ZP2: variants seen among roughly 807,000 people sequenced by gnomAD.
The protein encoded by ZP2 is zona pellucida sperm-binding protein 2.
ZP2 carries 51 observed loss-of-function variants against 84.0 expected under a neutral mutation model. The ratio of observed to expected loss-of-function variants is 0.61; its 90% CI spans 0.49 to 0.77. The LOEUF is 0.77. Ranked by LOEUF, ZP2 falls within the 30% of genes least tolerant of loss-of-function variation. ZP2 has a pLI of 0.00. For synonymous variants in ZP2, 375 were observed against 330.9 expected, an observed-to-expected ratio of 1.13 and a Z score of -1.45; for missense variants, 909 against 911.9, an observed-to-expected ratio of 1.00 and a Z score of 0.04.
chr16:21,202,592 G>A (rs936316457), intron 10 of ZP2, among the ~76,000 whole-genome samples: 1 of 152,188 alleles, frequency 6.6e-6, no homozygotes. Flanking sequence ...GTTGACTCAA[G>A]GTTAAACTTA....
At chr16:21,205,927 CATT>C in intron 5 of ZP2, 152 bp from the exon 6 acceptor site, 1 of 706,910 alleles carries the variant, frequency 1.4e-6, no homozygotes. Flanking sequence ...CCTTAGATGT[CATT>C]ATACTTCTTT....
intron 5 of ZP2, among the ~76,000 whole-genome samples, chr16:21,206,524 G>A (rs1472760046): frequency 6.6e-6 from 1 of 152,208 alleles, no homozygotes; most frequent in African/African-American, 2.4e-5. Flanking sequence ...CCTGGAACAT[G>A]GCATGTATTC....
Position 21,210,158 on chromosome 16 carries a change from C to T in ZP2, c.186G>A (p.Val62=). 1 of 1,614,048 alleles carries T rather than the reference C, an allele frequency of 6.2e-7. No homozygotes were observed. ...TVTCDEREIT[V]EFPSSPGTKK... is the part of the protein sequence containing the mutation. ...TGGTGCCAGGACTGCTTGGGAACTC[C>T]ACTGTTATTTCCCTTTCATCGCAAG... Residue 62 remains valine (V), a synonymous_variant, in exon 3 of 19, where the codon GTG becomes GTA. Coordinates refer to ENST00000574091, the MANE Select transcript of ZP2 (RefSeq NM_001376232.1).
Position 21,198,857 on chromosome 16 carries a change from C to T in ZP2, c.1933G>A (p.Gly645Arg). ...GTCATTTTCTCTGCTTCAGTGGCCC[C>T]TGTGGCTGGAGACAGATGATCAAGT... ...PVSSRHRRAT[G>R]ATEAEKMTVS... is the part of the protein sequence containing the mutation. The change falls in exon 17 of 19, where the codon GGG becomes AGG. Residue 645 changes from glycine (G) to arginine (R), a missense_variant. Physicochemically the swap from Gly to Arg is moderately radical, Grantham distance 125 (BLOSUM62 -2). Coordinates refer to ENST00000574091, the MANE Select transcript of ZP2 (RefSeq NM_001376232.1). 1.2e-6 allele frequency: 2 copies of T among 1,613,756 alleles called. No individual in the cohort carries two copies. The highest frequency in any genetic ancestry group is 8.5e-7 in the Non-Finnish European group (1 of 1,179,884).
intron 17 of ZP2, among the ~76,000 whole-genome samples, chr16:21,198,179 G>A (rs1467060045): frequency 6.7e-6 from 1 of 148,498 alleles, no homozygotes; most frequent in Non-Finnish European, 1.5e-5. Context: ...CGGATCACTT[G>A]AGGTCAGGAG....
rs539715339 is a variant in ZP2 at position 21,206,783 on chromosome 16, T to G, written c.483+55A>C. ...AAGCCCCGCCCTGGTTAGATCATCA[T>G]CATATTCCCCCTGCAGTAGCCATAT... On this transcript the variant is annotated intron_variant, in intron 5 of 18. Transcript: ENST00000574091. The G allele has an allele frequency of 5.0e-6, 8 of 1,608,028 alleles. No individual in the cohort carries two copies. The African/African-American group carries it at 8.0e-5, about 16-fold the overall frequency.
chr16:21,211,625 A>C (rs1351329702), upstream of ZP2: 1 of 1,609,904 alleles, frequency 6.2e-7, no homozygotes, highest in South Asian at 1.1e-5. Context: ...AGCCGCATCC[A>C]CACCCTCTCC....
At chr16:21,208,768 T>C (rs1224775703) in intron 4 of ZP2, among the ~76,000 whole-genome samples, 4 of 152,296 alleles carry the variant, frequency 2.6e-5, no homozygotes, top group African/African-American at 7.2e-5. Flanking sequence ...GGTTCACAGA[T>C]CAAAATAGCT....
In ZP2 at chr16:21,209,281, C is replaced by A. The variant is rs1382672393; in HGVS notation, c.330+350G>T. Reference sequence around the variant, plus strand: ...CCCCTGGGTTTAAGCGATTCTCCTGCCTCAGCCTCACAAGTAGCTGGGATT... The same window carrying A: ...CCCCTGGGTTTAAGCGATTCTCCTGACTCAGCCTCACAAGTAGCTGGGATT... On this transcript the variant is annotated intron_variant, in intron 4 of 18. Transcript: ENST00000574091. Among the ~76,000 whole-genome samples, 5 of 152,300 alleles carry A rather than the reference C, an allele frequency of 3.3e-5. No homozygotes were observed. The South Asian group carries it at 1.0e-3, about 32-fold the overall frequency.
chr16:21,203,832 G>A, intron 9 of ZP2, 198 bp downstream of exon 9: 1 of 627,396 alleles, frequency 1.6e-6, no homozygotes, highest in Non-Finnish European at 2.8e-6. Flanking sequence ...AGTTAAAGAG[G>A]TTTTGTGTTA....
At chr16:21,198,704 A>G in intron 17 of ZP2, 75 bp downstream of exon 17, 1 of 1,226,894 alleles carries the variant, frequency 8.2e-7, no homozygotes, top group Admixed American at 1.8e-5. Context: ...TACATAGTAT[A>G]TGTAAGCACT....
chr16:21,198,953 G>A, intron 16 of ZP2, 91 bp from the exon 17 acceptor site: 1 of 1,163,516 alleles, frequency 8.6e-7, no homozygotes, highest in Non-Finnish European at 1.3e-6. Flanking sequence ...AAGCTCTCTG[G>A]AGTATTTTGT....
chr16:21,214,117 A>C (rs2093283864), upstream of ZP2: 3 of 585,182 alleles, frequency 5.1e-6, no homozygotes, highest in Non-Finnish European at 4.3e-6. Context: ...TGGGGTTTCT[A>C]AAAGGTTAAG....
chr16:21,197,685 C>T, intron 18 of ZP2, 63 bp from the exon 19 acceptor site: 1 of 1,608,894 alleles, frequency 6.2e-7, no homozygotes, highest in East Asian at 2.2e-5. Flanking sequence ...GGAAGCCTTA[C>T]ATAAGGCTCC....
upstream of ZP2, among the ~76,000 whole-genome samples, chr16:21,213,020 T>C (rs1258256214): frequency 6.6e-6 from 1 of 152,222 alleles, no homozygotes; most frequent in East Asian, 1.9e-4. Context: ...GCAAAAGTGA[T>C]TGCAGTTTTT....
In ZP2 at chr16:21,204,417, A is replaced by T; in HGVS notation, c.694-13T>A. 6.2e-7 allele frequency: 1 copy of T among 1,604,494 alleles called. No homozygotes were observed. The highest frequency in any genetic ancestry group is 8.5e-7 in the Non-Finnish European group (1 of 1,172,312). On this transcript the variant is annotated splice_polypyrimidine_tract_variant and intron_variant, in intron 7 of 18. Coordinates refer to ENST00000574091, the MANE Select transcript of ZP2 (RefSeq NM_001376232.1). The stretch of plus-strand genomic sequence containing the variant: ...GACTGTTACCTTGCTAGGGGGAGAA[A>T]TAACAGTGATCTTCAAAAACATTGG...
At chr16:21,204,272 C>G (rs1178236740) in intron 8 of ZP2, 36 bp downstream of exon 8, 1 of 1,613,882 alleles carries the variant, frequency 6.2e-7, no homozygotes, top group Non-Finnish European at 8.5e-7. Flanking sequence ...AGGACAATGT[C>G]TCCCACACTG....
Position 21,202,209 on chromosome 16 carries a change from AC to A in ZP2, c.1181del (p.Gly394ValfsTer3). The A allele has an allele frequency of 6.3e-7, 1 of 1,587,396 alleles. No homozygotes were observed. The highest frequency in any genetic ancestry group is 1.2e-5 in the South Asian group (1 of 85,842). ...SYQTQPALDL[G>X]TLRVGNSSCQ... is the part of the protein sequence containing the mutation. ...AGGATGAGTTTCCCACCCTCAGAGT[AC>A]CCAGGTCAAGAGCTGGTTGTGTTTG... On this transcript the variant is annotated frameshift_variant, in exon 11 of 19. Coordinates refer to ENST00000574091, the MANE Select transcript of ZP2 (RefSeq NM_001376232.1). LOFTEE classifies it high-confidence loss of function.
At chr16:21,204,455 C>CGGTT (rs774335831) in intron 7 of ZP2, 51 bp from the exon 8 acceptor site, 7 of 1,464,072 alleles carry the variant, frequency 4.8e-6, no homozygotes, top group Admixed American at 1.8e-5. Context: ...ACTTGAATCT[C>CGGTT]TAACCAGTAA....
Sources: allele counts gnomAD v4.1 joint callset (sites outside exome capture counted in the v4.1 genomes callset), GRCh38; gene constraint gnomAD v4.1.1; transcripts MANE v1.5; gene names NCBI Gene and HGNC (gene_info 2026-07-23, HGNC 2026-07-21).